COL23A1: variants seen among roughly 807,000 people sequenced by gnomAD.
COL23A1 encodes the protein collagen alpha-1(XXIII) chain.
Under a neutral mutation model 99.3 loss-of-function variants are expected in COL23A1, and 97 were observed. That is an observed-to-expected ratio of 0.98 (90% CI 0.83 to 1.16). The LOEUF (loss-of-function observed/expected upper bound fraction) is 1.16, where lower values mean the gene tolerates loss of function less well. Ranked by LOEUF, COL23A1 falls within the 50% of genes most tolerant of loss-of-function variation. The pLI, the probability that COL23A1 is intolerant of heterozygous loss-of-function variation, is 0.00. For synonymous variants in COL23A1, 320 were observed against 308.2 expected, an observed-to-expected ratio of 1.04 and a Z score of -0.40; for missense variants, 762 against 757.4, an observed-to-expected ratio of 1.01 and a Z score of -0.07.
At chr5:178,425,440 A>AATAC (rs1765868338) in intron 2 of COL23A1, among the ~76,000 whole-genome samples, 1 of 149,562 alleles carries the variant, frequency 6.7e-6, no homozygotes, top group Non-Finnish European at 1.5e-5. Flanking sequence ...TAAATAAATA[A>AATAC]ATAAATAAAT....
intron 3 of COL23A1, among the ~76,000 whole-genome samples, chr5:178,296,942 C>T (rs555981196): frequency 6.6e-6 from 1 of 152,340 alleles, no homozygotes; most frequent in South Asian, 2.1e-4. Context: ...CCAACTCCAC[C>T]AGCCAGAGGG....
chr5:178,353,296 G>C (rs1436622487), intron 2 of COL23A1, among the ~76,000 whole-genome samples: 1 of 152,060 alleles, frequency 6.6e-6, no homozygotes, highest in East Asian at 1.9e-4. Flanking sequence ...TCTGATTTGA[G>C]AAAGGCCCTT....
intron 5 of COL23A1, among the ~76,000 whole-genome samples, chr5:178,282,705 AC>A (rs1451880306): frequency 6.6e-6 from 1 of 152,148 alleles, no homozygotes; most frequent in Non-Finnish European, 1.5e-5. Context: ...ATGAGTGCGC[AC>A]CCAGCAAGCA....
At chr5:178,486,314 G>T (rs1757623815) in intron 2 of COL23A1, among the ~76,000 whole-genome samples, 1 of 152,200 alleles carries the variant, frequency 6.6e-6, no homozygotes, top group African/African-American at 2.4e-5. Context: ...TGAGCAGAAA[G>T]GTCAGCATTT....
chr5:178,566,368 A>T (rs982432533), intron 1 of COL23A1, among the ~76,000 whole-genome samples: 2 of 152,218 alleles, frequency 1.3e-5, no homozygotes, highest in African/African-American at 4.8e-5. Context: ...ACCTGTAATG[A>T]ATACCAATTA....
chr5:178,444,068 G>A (rs1377554555), intron 2 of COL23A1, among the ~76,000 whole-genome samples: 2 of 152,052 alleles, frequency 1.3e-5, no homozygotes, highest in Non-Finnish European at 2.9e-5. Context: ...CAGGTGTGGT[G>A]GCACATTCCT....
At chr5:178,537,155 G>A (rs1248650136) in intron 2 of COL23A1, among the ~76,000 whole-genome samples, 1 of 152,152 alleles carries the variant, frequency 6.6e-6, no homozygotes, top group African/African-American at 2.4e-5. Context: ...CCACATACAG[G>A]CCGGGGGTGA....
intron 1 of COL23A1, 99 bp from the exon 2 acceptor site, chr5:178,560,847 A>T: frequency 8.6e-7 from 1 of 1,169,142 alleles, no homozygotes; most frequent in Non-Finnish European, 1.2e-6. Context: ...AATGTATCTA[A>T]ACCATCTACA....
At chr5:178,573,851 T>C (rs1419040572) in intron 1 of COL23A1, among the ~76,000 whole-genome samples, 2 of 138,024 alleles carry the variant, frequency 1.4e-5, no homozygotes, top group Middle Eastern at 4.1e-3. Flanking sequence ...TACCATACCA[T>C]AGGGTTCTTT....
chr5:178,509,516 C>T (rs546374545), intron 2 of COL23A1, among the ~76,000 whole-genome samples: 35 of 152,242 alleles, frequency 2.3e-4, no homozygotes, highest in African/African-American at 8.2e-4. Context: ...CCACCGTGCC[C>T]GGCCAGAACC....
Position 178,256,938 on chromosome 5 carries a change from A to T in COL23A1, c.775-10T>A. 1 of 1,613,104 alleles carries T rather than the reference A, an allele frequency of 6.2e-7. No individual in the cohort carries two copies. Among genetic ancestry groups the T allele is most frequent in the Non-Finnish European group, 8.5e-7 (1 of 1,179,696 alleles). On this transcript the variant is annotated splice_polypyrimidine_tract_variant and intron_variant, in intron 13 of 28. Coordinates refer to ENST00000390654, the MANE Select transcript of COL23A1 (RefSeq NM_173465.4). ...TGCTCCCTGGCTCGCCCTGAAACAG[A>T]CACAGCTGCAGTGAGAGCAAGTGTG...
chr5:178,416,831 C>G (rs7714075), intron 2 of COL23A1, among the ~76,000 whole-genome samples: 4,064 of 151,574 alleles, frequency 0.027, 187 homozygotes, highest in African/African-American at 0.092. Context: ...GCTGCATTCT[C>G]AGATGGAGAG....
In COL23A1 at chr5:178,239,193, A is replaced by T. The variant is rs1764262193; in HGVS notation, c.1582-14T>A. 1 of 1,613,878 alleles carries T rather than the reference A, an allele frequency of 6.2e-7. No individual in the cohort carries two copies. Among genetic ancestry groups the T allele is most frequent in the African/African-American group, 1.3e-5 (1 of 74,902 alleles). ...CCCGTCGGGGCCCTGGAAAGGAAGA[A>T]GGTTTCAGTGATGGGGATGGGGCCT... On this transcript the variant is annotated splice_polypyrimidine_tract_variant and intron_variant, in intron 27 of 28. Coordinates refer to ENST00000390654, the MANE Select transcript of COL23A1 (RefSeq NM_173465.4).
At chr5:178,410,902 T>A (rs868305774) in intron 2 of COL23A1, among the ~76,000 whole-genome samples, 1 of 152,172 alleles carries the variant, frequency 6.6e-6, no homozygotes, top group Admixed American at 6.5e-5. Flanking sequence ...TCAGAACATA[T>A]CTAGAATATA....
intron 2 of COL23A1, among the ~76,000 whole-genome samples, chr5:178,525,815 A>G (rs1165875147): frequency 6.6e-6 from 1 of 152,294 alleles, no homozygotes; most frequent in Non-Finnish European, 1.5e-5. Flanking sequence ...CTTCATTAAC[A>G]TGAAAAATGA....
At chr5:178,272,270 G>A (rs1271535352) in intron 5 of COL23A1, among the ~76,000 whole-genome samples, 1 of 152,220 alleles carries the variant, frequency 6.6e-6, no homozygotes, top group Non-Finnish European at 1.5e-5. Flanking sequence ...TGCCAGGTAG[G>A]AGGTAAGCTG....
At chr5:178,292,882 T>C (rs1033463587) in intron 3 of COL23A1, among the ~76,000 whole-genome samples, 1 of 152,140 alleles carries the variant, frequency 6.6e-6, no homozygotes, top group Non-Finnish European at 1.5e-5. Context: ...CAAGAAGTCC[T>C]GGAAGCAAAG....
At chr5:178,506,074 C>T (rs183453721) in intron 2 of COL23A1, among the ~76,000 whole-genome samples, 4 of 152,228 alleles carry the variant, frequency 2.6e-5, no homozygotes, top group African/African-American at 4.8e-5. Flanking sequence ...CGGTGAAGCA[C>T]GTGGTAGGCC....
intron 2 of COL23A1, among the ~76,000 whole-genome samples, chr5:178,476,831 G>A (rs570995772): frequency 2.0e-5 from 3 of 152,358 alleles, no homozygotes; most frequent in African/African-American, 7.2e-5. Context: ...TCCCTTTGGT[G>A]CAGACACTGT....
Sources: gnomAD v4.1 joint callset for allele counts (sites outside exome capture counted in the v4.1 genomes callset) on GRCh38, gnomAD v4.1.1 for gene constraint, MANE v1.5 for transcripts, NCBI Gene and HGNC (gene_info 2026-07-23, HGNC 2026-07-21) for gene names.